Variants in DLL1 observed in about 807,000 individuals in gnomAD.
The protein encoded by DLL1 is delta like canonical Notch ligand 1.
DLL1 carries 9 observed loss-of-function variants against 75.1 expected under a neutral mutation model. That is an observed-to-expected ratio of 0.12 (90% CI 0.07 to 0.21). The LOEUF is 0.21. Ranked by LOEUF, DLL1 falls within the 10% of genes least tolerant of loss-of-function variation. DLL1 has a pLI of 1.00. For missense variants in DLL1, 837 were observed against 1,007.6 expected (o/e 0.83, Z 2.29); for synonymous variants, 477 against 418.3 (o/e 1.14, Z -1.71).
chr6:170,290,486 C>T lies in DLL1; in HGVS notation c.-347G>A. 2 of 317,380 alleles carry T rather than the reference C, an allele frequency of 6.3e-6. No homozygotes were observed. The highest frequency in any genetic ancestry group is 1.1e-5 in the Non-Finnish European group (2 of 175,436). The allele number at this position is 317,380 out of a possible 1,614,324, so 19.7% of individuals were successfully genotyped here. A position where few individuals can be genotyped will look rare whatever the true frequency, so the allele number is the denominator to read the frequency against. Reference sequence around the variant, plus strand: ...GGCTTCCTGGTTTTGTCTTGAGCTTCTTCGCAGGAGAGGGAGGGGGAGAAA... The same window carrying T: ...GGCTTCCTGGTTTTGTCTTGAGCTTTTTCGCAGGAGAGGGAGGGGGAGAAA... On this transcript the variant is annotated 5_prime_UTR_variant, in exon 1 of 11. Transcript: ENST00000366756. This position sits in a 1 kb window ranked among gnomAD's most constrained non-coding sequence, Gnocchi z 4.7.
intron 6 of DLL1, 45 bp downstream of exon 6, chr6:170,285,524 G>A (rs1267078887): frequency 1.2e-6 from 2 of 1,614,034 alleles, no homozygotes; most frequent in African/African-American, 1.3e-5. Context: ...GGAAGTCCAG[G>A]GCTGCTCTGG....
Position 170,283,702 on chromosome 6 carries a change from C to A in DLL1, c.1577G>T (p.Gly526Val), listed in dbSNP as rs756697215. Residue 526 changes from glycine to valine, a missense_variant, in exon 9 of 11, where the codon GGC becomes GTC. Around this residue, in one of 2 missense-constraint regions of DLL1, gnomAD observed 533 missense variants for 545.7 expected, o/e 0.98. Coordinates refer to ENST00000366756, the MANE Select transcript of DLL1 (RefSeq NM_005618.4). ...CTCAGTGAGGTCCACCACCGCTGGGCCCGGGGGCAGCTCGGGGAGCAGGAA... is the reference window on the plus strand; with the variant it reads ...CTCAGTGAGGTCCACCACCGCTGGGACCGGGGGCAGCTCGGGGAGCAGGAA... ...CQFLLPELPP[G>V]PAVVDLTEKL... is the part of the protein sequence containing the mutation. 6.4e-7 allele frequency: 1 copy of A among 1,556,130 alleles called. No homozygotes were observed. The highest frequency in any genetic ancestry group is 8.7e-7 in the Non-Finnish European group (1 of 1,150,664).
At chr6:170,289,203 T>A in intron 2 of DLL1, 1 of 646,760 alleles carries the variant, frequency 1.5e-6, no homozygotes, top group Non-Finnish European at 2.8e-6. Flanking sequence ...ACCAGAACCT[T>A]CCCACGTGAA....
At position 170,285,310 on chromosome 6, in the gene DLL1, C is replaced by T. The variant is rs775125035; in HGVS notation, c.976G>A (p.Glu326Lys). The T allele has an allele frequency of 3.1e-6, 5 of 1,614,138 alleles. No homozygotes were observed. Among genetic ancestry groups the T allele is most frequent in the Non-Finnish European group, 4.2e-6 (5 of 1,180,024 alleles). The change falls in exon 7 of 11, where the codon GAG (glutamate) becomes AAG (lysine). Residue 326 changes from glutamate to lysine, a missense_variant. This residue lies in a region of DLL1 where 304 missense variants were observed against 461.9 expected (regional missense o/e 0.66). Coordinates refer to ENST00000366756, the MANE Select transcript of DLL1 (RefSeq NM_005618.4). The stretch of plus-strand genomic sequence containing the variant: ...GGGTCACACTCGTCAATCCCCAGCT[C>T]GCAGGTGGCACCTGTGTACCCAGGC... ...CRPGYTGATC[E>K]LGIDECDPSP...
At chr6:170,283,169 C>CA (rs775546643) in intron 9 of DLL1, 62 bp downstream of exon 9, 2 of 1,613,320 alleles carry the variant, frequency 1.2e-6, no homozygotes, top group African/African-American at 1.3e-5. Context: ...AGAAACGGAG[C>CA]AGTGGTTCCA....
intron 1 of DLL1, 130 bp from the exon 2 acceptor site, chr6:170,289,938 G>A: frequency 7.6e-7 from 1 of 1,311,906 alleles, no homozygotes. Context: ...CACGGCCGGC[G>A]CTGGGGTCGT....
At position 170,289,200 on chromosome 6, in the gene DLL1, C is replaced by A. The variant is rs561662143; in HGVS notation, c.351+312G>T. ...GCGTCTAGGAGTCGGGAAACCAGAACCTTCCCACGTGAAGGGGCGCCTCTG... is the reference window on the plus strand; with the variant it reads ...GCGTCTAGGAGTCGGGAAACCAGAAACTTCCCACGTGAAGGGGCGCCTCTG... On this transcript the variant is annotated intron_variant, in intron 2 of 10. Coordinates refer to ENST00000366756, the MANE Select transcript of DLL1 (RefSeq NM_005618.4). 27 of 644,014 alleles carry A rather than the reference C, an allele frequency of 4.2e-5. No homozygotes were observed. The East Asian group carries it at 7.5e-4, about 18-fold the overall frequency. 39.9% of individuals were successfully genotyped at this position (644,014 alleles called of 1,614,324 possible). A position where few individuals can be genotyped will look rare whatever the true frequency, so the allele number is the denominator to read the frequency against.
intron 8 of DLL1, 47 bp downstream of exon 8, chr6:170,284,872 T>G (rs771151547): frequency 1.3e-6 from 2 of 1,588,172 alleles, no homozygotes; most frequent in Non-Finnish European, 1.7e-6. Context: ...CACCTCAGTA[T>G]TGACCGCTCG....
chr6:170,289,930 C>A, intron 1 of DLL1, 122 bp from the exon 2 acceptor site: 1 of 1,333,070 alleles, frequency 7.5e-7, no homozygotes, highest in Non-Finnish European at 9.8e-7. Flanking sequence ...GCTCGCTGCA[C>A]GGCCGGCGCT....
Position 170,290,653 on chromosome 6 carries a change from G to T in DLL1, c.-514C>A. ...GGCCAGCGGCGCGCGCTGAGGGGAC[G>T]GTCGGCGGCGGCGGGTGTGCGCGGC... On this transcript the variant is annotated 5_prime_UTR_variant, in exon 1 of 11. Transcript: ENST00000366756. This position sits in a 1 kb window ranked among gnomAD's most constrained non-coding sequence, Gnocchi z 4.7. 1 of 276,792 alleles carries T rather than the reference G, an allele frequency of 3.6e-6. No individual in the cohort carries two copies. The highest frequency in any genetic ancestry group is 4.9e-5 in the South Asian group (1 of 20,240). 17.1% of individuals were successfully genotyped at this position (276,792 alleles called of 1,614,324 possible). A position where few individuals can be genotyped will look rare whatever the true frequency, so the allele number is the denominator to read the frequency against.
Position 170,283,329 on chromosome 6 carries a change from G to A in DLL1, c.1950C>T (p.Asp650=), listed in dbSNP as rs570176152. The A allele has an allele frequency of 5.3e-5, 86 of 1,612,966 alleles. 1 individual carries two copies. The highest frequency in any genetic ancestry group is 2.4e-4 in the South Asian group (22 of 91,082). ...DYNLVQDLKG[D]DTAVRDAHSK... is the part of the protein sequence containing the mutation. ...TGTGCGCGTCCCTGACGGCGGTGTC[G>A]TCACCCTTGAGGTCCTGCACGAGGT... The change falls in exon 9 of 11, where the codon GAC becomes GAT. Residue 650 remains aspartate, a synonymous_variant. Coordinates refer to ENST00000366756, the MANE Select transcript of DLL1 (RefSeq NM_005618.4).
chr6:170,288,500 C>G lies in DLL1; in HGVS notation c.413-4G>C. The G allele has an allele frequency of 6.2e-7, 1 of 1,614,022 alleles. No individual in the cohort carries two copies. Among genetic ancestry groups the G allele is most frequent in the East Asian group, 2.2e-5 (1 of 44,884 alleles). ...CTGATGAGTCTTTCTGGGTTTTCTA[C>G]GGGGAGAAGATGCTCCTGGTTGGTT... is the stretch of plus-strand genomic sequence containing the variant. On this transcript the variant is annotated splice_region_variant and splice_polypyrimidine_tract_variant and intron_variant, in intron 3 of 10. Coordinates refer to ENST00000366756, the MANE Select transcript of DLL1 (RefSeq NM_005618.4).
Position 170,283,620 on chromosome 6 carries a change from G to T in DLL1, c.1659C>A (p.Ile553=). ...AGCCCAGCAGCAGCATGAGGACAAG[G>T]ATGACCCCGGCGCACACGGCCACCC... ...FPWVAVCAGV[I]LVLMLLLGCA... Residue 553 remains isoleucine, a synonymous_variant, in exon 9 of 11, where the codon ATC becomes ATA. Transcript: ENST00000366756. The T allele has an allele frequency of 6.2e-7, 1 of 1,610,370 alleles. No individual in the cohort carries two copies.
chr6:170,289,318 G>GCGGGGCCC (rs908574363), intron 2 of DLL1, 194 bp downstream of exon 2: 6 of 943,704 alleles, frequency 6.4e-6, no homozygotes, highest in African/African-American at 1.7e-5. Context: ...CCTGCAGGCC[G>GCGGGGCCC]CGGGGCCCCG....
rs1783587547 is a variant in DLL1, at chr6:170,282,779, G to A, written c.*95C>T. On this transcript the variant is annotated 3_prime_UTR_variant, in exon 11 of 11. Transcript: ENST00000366756. ...CGGTTTCTCAGCAGCAGTCCACGAG[G>A]CCTCCCTCCTCTTCAGCAGCATTCG... is the stretch of plus-strand genomic sequence containing the variant. The A allele has an allele frequency of 3.1e-6, 5 of 1,597,432 alleles. No individual in the cohort carries two copies. The highest frequency in any genetic ancestry group is 3.3e-5 in the Admixed American group (2 of 60,032).
chr6:170,290,645 G>A lies in DLL1; in HGVS notation c.-506C>T. Reference sequence around the variant, plus strand: ...TAATCCGGGGCCAGCGGCGCGCGCTGAGGGGACGGTCGGCGGCGGCGGGTG... The same window carrying A: ...TAATCCGGGGCCAGCGGCGCGCGCTAAGGGGACGGTCGGCGGCGGCGGGTG... On this transcript the variant is annotated 5_prime_UTR_variant, in exon 1 of 11. Coordinates refer to ENST00000366756, the MANE Select transcript of DLL1 (RefSeq NM_005618.4). The surrounding 1 kb of genome is among the most constrained non-coding windows in gnomAD (Gnocchi z 4.7). 1 of 277,394 alleles carries A rather than the reference G, an allele frequency of 3.6e-6. No homozygotes were observed. The highest frequency in any genetic ancestry group is 5.0e-5 in the South Asian group (1 of 19,940). The allele number at this position is 277,394 out of a possible 1,614,324, so 17.2% of individuals were successfully genotyped here. A position where few individuals can be genotyped will look rare whatever the true frequency, so the allele number is the denominator to read the frequency against.
rs1337654382 is a variant in DLL1, at chr6:170,288,232, G to A, written c.670+7C>T. The A allele has an allele frequency of 1.2e-6, 2 of 1,613,800 alleles. No homozygotes were observed. The highest frequency in any genetic ancestry group is 1.7e-6 in the Non-Finnish European group (2 of 1,180,042). On this transcript the variant is annotated splice_region_variant and intron_variant, in intron 4 of 10. Coordinates refer to ENST00000366756, the MANE Select transcript of DLL1 (RefSeq NM_005618.4). ...AGTGAGCCAGCGGTGCCTTCCCAGA[G>A]ACTCACGCTCTGTGCAGTAGGGCCC...
chr6:170,285,355 T>A lies in DLL1; in HGVS notation c.931A>T (p.Ser311Cys). ...GATCTNTGQG[S>C]YTCSCRPGYT... is the part of the protein sequence containing the mutation. ...CCAGGCCGGCAAGAGCAAGTGTAGC[T>A]CCCCTGGCCCGTGTTGGTGCAGGTG... is the stretch of plus-strand genomic sequence containing the variant. The change falls in exon 7 of 11, where the codon AGC becomes TGC. Residue 311 changes from serine to cysteine, a missense_variant. Ser to Cys is a moderately radical substitution (Grantham distance 112). Transcript: ENST00000366756. 6.2e-7 allele frequency: 1 copy of A among 1,614,106 alleles called. No individual in the cohort carries two copies. The highest frequency in any genetic ancestry group is 8.5e-7 in the Non-Finnish European group (1 of 1,180,004).
At chr6:170,289,338 G>T in intron 2 of DLL1, 174 bp downstream of exon 2, 1 of 1,104,922 alleles carries the variant, frequency 9.1e-7, no homozygotes, top group Non-Finnish European at 1.3e-6. Context: ...GGGGCGAGGT[G>T]TCCGCGCTGC....
Sources: gnomAD v4.1 joint callset for allele counts on GRCh38, gnomAD v4.1.1 for gene constraint, gnomAD v4.1.1 regional missense constraint, Gnocchi (gnomAD v3.1) non-coding constraint, MANE v1.5 for transcripts, NCBI Gene and HGNC (gene_info 2026-07-23, HGNC 2026-07-21) for gene names.